MYOM3: variants seen among roughly 807,000 people sequenced by gnomAD.
MYOM3 encodes myomesin-3.
MYOM3 carries 155 observed loss-of-function variants against 191.7 expected under a neutral mutation model. That is an observed-to-expected ratio of 0.81 (90% CI 0.71 to 0.92). MYOM3 has a LOEUF of 0.92. MYOM3 is among the 40% of genes least tolerant of loss of function. The pLI, the probability that MYOM3 is intolerant of heterozygous loss-of-function variation, is 0.00. For synonymous variants in MYOM3, 757 were observed against 762.9 expected (o/e 0.99, Z 0.13); for missense variants, 1,889 against 1,890.6 (o/e 1.00, Z 0.02).
chr1:24,084,704 G>C (rs1643715039), intron 15 of MYOM3, 65 bp from the exon 16 acceptor site: 3 of 1,466,762 alleles, frequency 2.0e-6, no homozygotes, highest in Admixed American at 1.9e-5. Flanking sequence ...GGCTGGGGAA[G>C]GGGAGGAGCA....
chr1:24,081,409 A>G lies in MYOM3; in HGVS notation c.2328T>C (p.Ala776=). The change falls in exon 19 of 37, where the codon GCT becomes GCC. Residue 776 remains alanine (A), a synonymous_variant. Transcript: ENST00000374434. ...EGHFYEFRAR[A]ANWAGVGELS... is the part of the protein sequence containing the mutation. ...GCTCGCCAACACCTGCCCAGTTGGC[A>G]GCCCGGGCACGGAACTCATAGAAGT... 2 of 1,614,188 alleles carry G rather than the reference A, an allele frequency of 1.2e-6. No homozygotes were observed. The highest frequency in any genetic ancestry group is 1.7e-6 in the Non-Finnish European group (2 of 1,180,014).
chr1:24,106,231 T>G (rs1356244649), intron 4 of MYOM3, among the ~76,000 whole-genome samples, 154 bp from the exon 5 acceptor site: 4 of 152,230 alleles, frequency 2.6e-5, no homozygotes, highest in Non-Finnish European at 5.9e-5. Flanking sequence ...GGTGGCACTG[T>G]GGGCAGAGCA....
Position 24,082,044 on chromosome 1 carries a change from C to A in MYOM3, c.2237G>T (p.Trp746Leu). 5.0e-6 allele frequency: 8 copies of A among 1,612,402 alleles called. No homozygotes were observed. The highest frequency in any genetic ancestry group is 6.8e-6 in the Non-Finnish European group (8 of 1,179,942). Reference protein sequence around the residue: ...LDQHDSEELDWHAVNQQPIPT... With the variant: ...LDQHDSEELDLHAVNQQPIPT... ...GATGGGCTGCTGATTGACCGCATGC[C>A]AGTCCAGCTCTTCCGAGTCATGCTG... is the stretch of plus-strand genomic sequence containing the variant. Residue 746 changes from tryptophan to leucine, a missense_variant, in exon 18 of 37, where the codon TGG becomes TTG. Coordinates refer to ENST00000374434, the MANE Select transcript of MYOM3 (RefSeq NM_152372.4).
At position 24,075,521 on chromosome 1, in the gene MYOM3, A is replaced by G. The variant is rs180707208; in HGVS notation, c.2702-46T>C. On this transcript the variant is annotated intron_variant, in intron 21 of 36. Coordinates refer to ENST00000374434, the MANE Select transcript of MYOM3 (RefSeq NM_152372.4). ...AGGGCAGCGGATGTTTATGCATAAT[A>G]AACCAGGTCACACCCCTCCCCTGCT... 166 of 1,513,798 alleles carry G rather than the reference A, an allele frequency of 1.1e-4. No homozygotes were observed. In the African/African-American group the frequency reaches 2.1e-3, roughly 19 times the overall value. The allele number at this position is 1,513,798 out of a possible 1,614,324, so 93.8% of individuals were successfully genotyped here.
chr1:24,062,233 C>G, intron 32 of MYOM3, 124 bp from the exon 33 acceptor site: 1 of 953,638 alleles, frequency 1.0e-6, no homozygotes, highest in South Asian at 1.6e-5. Flanking sequence ...GACTATGAGG[C>G]ACCAGATAAA....
Position 24,057,642 on chromosome 1 carries a change from A to G in MYOM3, c.4051-15T>C. The G allele has an allele frequency of 6.2e-7, 1 of 1,612,048 alleles. No individual in the cohort carries two copies. On this transcript the variant is annotated splice_polypyrimidine_tract_variant and intron_variant, in intron 36 of 36. Transcript: ENST00000374434. ...AAGCACAGGGTCTGTTTGAAAAGAC[A>G]GGAAGGGAACAGTCTCACCTCCTTG...
At chr1:24,103,643 C>T (rs1003965275) in intron 5 of MYOM3, among the ~76,000 whole-genome samples, 8 of 152,340 alleles carry the variant, frequency 5.3e-5, no homozygotes, top group East Asian at 1.9e-4. Context: ...CTTTCCCAGG[C>T]ATTGTGAAGA....
At chr1:24,075,262 T>A (rs888793540) in intron 22 of MYOM3, 57 bp downstream of exon 22, 1 of 1,577,366 alleles carries the variant, frequency 6.3e-7, no homozygotes, top group Non-Finnish European at 8.7e-7. Context: ...CCCTGCCAGC[T>A]CCTCTGACAG....
chr1:24,084,621 G>A lies in MYOM3; in HGVS notation c.1817C>T (p.Ala606Val). Residue 606 changes from alanine to valine, a missense_variant, in exon 16 of 37, where the codon GCT becomes GTT. Ala to Val is a moderately conservative substitution (Grantham distance 64). Transcript: ENST00000374434. ...RGPPATLPPP[A>V]QVQAFRDTQT... is the part of the protein sequence containing the mutation. ...TGTGTCTCTGAAAGCTTGAACTTGAGCTGGAGGAGGGAGGGTAGCTAAAAA... is the reference window on the plus strand; with the variant it reads ...TGTGTCTCTGAAAGCTTGAACTTGAACTGGAGGAGGGAGGGTAGCTAAAAA... 6.2e-7 allele frequency: 1 copy of A among 1,612,852 alleles called. No homozygotes were observed. Among genetic ancestry groups the A allele is most frequent in the Non-Finnish European group, 8.5e-7 (1 of 1,179,394 alleles).
rs751248836 is a variant in MYOM3 at position 24,071,953 on chromosome 1, T to C, written c.3013+16A>G. 1 of 1,613,954 alleles carries C rather than the reference T, an allele frequency of 6.2e-7. No homozygotes were observed. Among genetic ancestry groups the C allele is most frequent in the Admixed American group, 1.7e-5 (1 of 60,014 alleles). ...TGGGAACTGCACAAGGCTGGTAGCT[T>C]GGACTGCTTGCTTACCTGGGTTTCT... On this transcript the variant is annotated intron_variant, in intron 24 of 36. Transcript: ENST00000374434.
intron 36 of MYOM3, 116 bp downstream of exon 36, chr1:24,058,808 C>A: frequency 1.3e-6 from 1 of 767,804 alleles, no homozygotes; most frequent in South Asian, 1.6e-5. Context: ...GAGGTGTGGT[C>A]ACTTGGCCAC....
chr1:24,061,927 A>G lies in MYOM3; in HGVS notation c.3934+19T>C, dbSNP rs11811060. On this transcript the variant is annotated intron_variant, in intron 33 of 36. Coordinates refer to ENST00000374434, the MANE Select transcript of MYOM3 (RefSeq NM_152372.4). ...ATTTTCTAAGCAGGTTTCCCTGCAG[A>G]CATAGGTGGATGGCTCACCTTGCCC... 0.2 allele frequency: 329,600 copies of G among 1,613,294 alleles called. 36,640 individuals are homozygous for G. The highest frequency in any genetic ancestry group is 0.42 in the East Asian group (18,766 of 44,842).
intron 7 of MYOM3, among the ~76,000 whole-genome samples, chr1:24,097,590 G>A (rs748386485): frequency 3.9e-5 from 6 of 152,212 alleles, no homozygotes; most frequent in Non-Finnish European, 8.8e-5. Flanking sequence ...GATGGAATCA[G>A]GTACTATCAA....
In MYOM3 at chr1:24,065,936, A is replaced by C; in HGVS notation, c.3489T>G (p.Gly1163=). 4.3e-6 allele frequency: 7 copies of C among 1,614,074 alleles called. No homozygotes were observed. The highest frequency in any genetic ancestry group is 5.9e-6 in the Non-Finnish European group (7 of 1,179,970). ...WFFQRAEMPD[G]QYDPETGTGL... ...CCGTTCCCGTCTCTGGGTCATACTG[A>C]CCATCTGGCATCTCTGCCCTCTGGA... The change falls in exon 29 of 37, where the codon GGT becomes GGG. Residue 1163 remains glycine, a synonymous_variant. Transcript: ENST00000374434.
chr1:24,102,112 G>A (rs190143924), intron 5 of MYOM3, among the ~76,000 whole-genome samples: 216 of 152,286 alleles, frequency 1.4e-3, no homozygotes, highest in African/African-American at 4.9e-3. Context: ...CTCCCAGAGA[G>A]AGGGCACCCC....
intron 19 of MYOM3, 132 bp from the exon 20 acceptor site, chr1:24,080,326 G>T: frequency 2.8e-6 from 2 of 702,192 alleles, no homozygotes; most frequent in Non-Finnish European, 4.5e-6. Flanking sequence ...GGAAGGGCCT[G>T]TTCTGGGTGT....
rs1643309032 is a variant in MYOM3, at chr1:24,057,001, C to T, written c.*363G>A. ...TATCAGTTTATGGCAGGGCTCATGG[C>T]CCTTGGCACTTTTGACATCTGGGGT... On this transcript the variant is annotated 3_prime_UTR_variant, in exon 37 of 37. Coordinates refer to ENST00000374434, the MANE Select transcript of MYOM3 (RefSeq NM_152372.4). 1 of 230,536 alleles carries T rather than the reference C, an allele frequency of 4.3e-6. No individual in the cohort carries two copies. The highest frequency in any genetic ancestry group is 5.1e-5 in the Admixed American group (1 of 19,524). 14.3% of individuals were successfully genotyped at this position (230,536 alleles called of 1,614,324 possible).
At chr1:24,078,187 T>C (rs1643624597) in intron 20 of MYOM3, among the ~76,000 whole-genome samples, 1 of 151,676 alleles carries the variant, frequency 6.6e-6, no homozygotes, top group Admixed American at 6.6e-5. Context: ...CGATCTCGGC[T>C]CACTGCAACC....
In MYOM3 at chr1:24,062,094, C is replaced by T. The variant is rs191530720; in HGVS notation, c.3786G>A (p.Glu1262=). 131 of 1,614,170 alleles carry T rather than the reference C, an allele frequency of 8.1e-5. No homozygotes were observed. In the African/African-American group the frequency reaches 1.5e-3, roughly 19 times the overall value. Residue 1262 remains glutamate, a synonymous_variant, in exon 33 of 37, where the codon GAG becomes GAA. Transcript: ENST00000374434. ...TTWFHKDKRL[E]SGDRIRTGTT... is the part of the protein sequence containing the mutation. Reference sequence around the variant, plus strand: ...TGCCCGTCCTTATCCGATCACCACTCTCCAGACGTTTGTCTCTGAATGTGA... The same window carrying T: ...TGCCCGTCCTTATCCGATCACCACTTTCCAGACGTTTGTCTCTGAATGTGA...
Sources: allele counts gnomAD v4.1 joint callset (sites outside exome capture counted in the v4.1 genomes callset), GRCh38; gene constraint gnomAD v4.1.1; transcripts MANE v1.5; gene names NCBI Gene and HGNC (gene_info 2026-07-23, HGNC 2026-07-21).